Variants in SH3RF3 observed in about 807,000 individuals in gnomAD.
The protein encoded by SH3RF3 is SH3 domain containing ring finger 3, also known as E3 ubiquitin-protein ligase SH3RF3.
SH3RF3 carries 29 observed loss-of-function variants against 66.3 expected under a neutral mutation model. The ratio of observed to expected loss-of-function variants is 0.44; its 90% confidence interval spans 0.33 to 0.60. The LOEUF (loss-of-function observed/expected upper bound fraction) is 0.60, where lower values mean the gene tolerates loss of function less well. Among genes scored for constraint, SH3RF3 ranks in the 20% least tolerant of loss-of-function variants. SH3RF3 has a pLI of 0.04. For missense variants in SH3RF3, 1,194 were observed against 1,190.9 expected, an observed-to-expected ratio of 1.00 and a Z score of -0.04; for synonymous variants, 583 against 532.0, an observed-to-expected ratio of 1.10 and a Z score of -1.32.
chr2:109,432,023 G>A (rs1402653795), intron 5 of SH3RF3, among the ~76,000 whole-genome samples: 1 of 152,162 alleles, frequency 6.6e-6, no homozygotes, highest in Non-Finnish European at 1.5e-5. Flanking sequence ...GGAAAACCAG[G>A]CCAGGTTATA....
intron 8 of SH3RF3, among the ~76,000 whole-genome samples, chr2:109,473,077 G>A (rs1484777611): frequency 6.6e-6 from 1 of 152,234 alleles, no homozygotes; most frequent in Non-Finnish European, 1.5e-5. Context: ...TCAGATGCGA[G>A]TCCCAAGAAT....
At chr2:109,302,373 G>A (rs1681490087) in intron 1 of SH3RF3, among the ~76,000 whole-genome samples, 1 of 152,210 alleles carries the variant, frequency 6.6e-6, no homozygotes, top group Admixed American at 6.5e-5. Flanking sequence ...AATGCTTGCT[G>A]CTTCTGTTCA....
At chr2:109,469,476 A>C (rs570277595) in intron 8 of SH3RF3, among the ~76,000 whole-genome samples, 1 of 152,342 alleles carries the variant, frequency 6.6e-6, no homozygotes, top group African/African-American at 2.4e-5. Flanking sequence ...TGCAGGGGTC[A>C]CACTATGTGT....
intron 8 of SH3RF3, among the ~76,000 whole-genome samples, chr2:109,487,969 G>A (rs1679026768): frequency 6.6e-6 from 1 of 152,224 alleles, no homozygotes; most frequent in Admixed American, 6.5e-5. Context: ...GGGATGAACA[G>A]CCACCAGGCC....
chr2:109,500,159 T>G (rs1679353540), intron 9 of SH3RF3, among the ~76,000 whole-genome samples: 1 of 152,144 alleles, frequency 6.6e-6, no homozygotes, highest in African/African-American at 2.4e-5. Context: ...TAAAGGGGAC[T>G]GGGGTCAGCC....
chr2:109,289,818 G>A (rs930256358), intron 1 of SH3RF3, among the ~76,000 whole-genome samples: 3 of 152,020 alleles, frequency 2.0e-5, no homozygotes, highest in Admixed American at 2.0e-4. Context: ...TGGGGAAATC[G>A]GGAAATCAAC....
At chr2:109,252,235 G>A (rs1244104522) in intron 1 of SH3RF3, among the ~76,000 whole-genome samples, 1 of 144,662 alleles carries the variant, frequency 6.9e-6, no homozygotes, top group African/African-American at 2.6e-5. Flanking sequence ...GTGACACAGT[G>A]AGACCCTGTC....
chr2:109,294,637 A>C (rs1011998555), intron 1 of SH3RF3, among the ~76,000 whole-genome samples: 18 of 151,698 alleles, frequency 1.2e-4, no homozygotes, highest in Non-Finnish European at 2.6e-4. Context: ...GCATTCTTCC[A>C]TCTGATCATC....
At position 109,347,738 on chromosome 2, in the gene SH3RF3, T is replaced by C. The variant is rs1249288076; in HGVS notation, c.638T>C (p.Leu213Pro). ...YSYEGKEPGDLKFNKGDIIVL... is the reference protein window; with the variant it reads ...YSYEGKEPGDPKFNKGDIIVL... ...TACGAGGGGAAGGAACCTGGTGACCTCAAGTTCAACAAGGGGGACATCATC... is the reference window on the plus strand; with the variant it reads ...TACGAGGGGAAGGAACCTGGTGACCCCAAGTTCAACAAGGGGGACATCATC... Residue 213 changes from leucine to proline, a missense_variant, in exon 2 of 10, where the codon CTC becomes CCC. Physicochemically the swap from Leu to Pro is moderately conservative, Grantham distance 98 (BLOSUM62 -3). Transcript: ENST00000309415. 3 of 1,613,744 alleles carry C rather than the reference T, an allele frequency of 1.9e-6. No homozygotes were observed. The highest frequency in any genetic ancestry group is 2.5e-6 in the Non-Finnish European group (3 of 1,179,846).
At chr2:109,466,486 A>G (rs1292834938) in intron 8 of SH3RF3, among the ~76,000 whole-genome samples, 2 of 152,112 alleles carry the variant, frequency 1.3e-5, no homozygotes, top group Non-Finnish European at 2.9e-5. Flanking sequence ...TTTTAGATAT[A>G]CCACAGTGGT....
chr2:109,317,239 C>T (rs894627264), intron 1 of SH3RF3, among the ~76,000 whole-genome samples: 7 of 152,140 alleles, frequency 4.6e-5, no homozygotes, highest in African/African-American at 1.7e-4. Flanking sequence ...ATGGAATCTC[C>T]TAGTGTAGCA....
chr2:109,241,257 T>TAACAAC (rs57171165), intron 1 of SH3RF3, among the ~76,000 whole-genome samples: 105,419 of 151,236 alleles, frequency 0.7, 36,891 homozygotes, highest in East Asian at 0.89. Flanking sequence ...CCTAAGAATA[T>TAACAAC]AACAACAACA....
chr2:109,184,061 A>G (rs1288334807), intron 1 of SH3RF3, among the ~76,000 whole-genome samples: 2 of 152,172 alleles, frequency 1.3e-5, no homozygotes, highest in Non-Finnish European at 1.5e-5. Context: ...GGGTATCACG[A>G]TCTCTCTGTG....
intron 1 of SH3RF3, among the ~76,000 whole-genome samples, chr2:109,166,516 A>ACACT (rs1318026270): frequency 1.3e-5 from 2 of 151,774 alleles, no homozygotes; most frequent in African/African-American, 2.4e-5. Flanking sequence ...GCTCATTGGT[A>ACACT]GTGTTACAGC....
At chr2:109,213,744 G>T (rs1679045659) in intron 1 of SH3RF3, among the ~76,000 whole-genome samples, 1 of 152,182 alleles carries the variant, frequency 6.6e-6, no homozygotes, top group Non-Finnish European at 1.5e-5. Flanking sequence ...GGGAACGTGG[G>T]GATGGTTTTA....
At position 109,501,802 on chromosome 2, in the gene SH3RF3, G is replaced by C. The variant is rs2104419849; in HGVS notation, c.*131G>C. 3.3e-6 allele frequency: 2 copies of C among 613,720 alleles called. No individual in the cohort carries two copies. Among genetic ancestry groups the C allele is most frequent in the East Asian group, 5.5e-5 (2 of 36,502 alleles). 38.0% of individuals were successfully genotyped at this position (613,720 alleles called of 1,614,324 possible). On this transcript the variant is annotated 3_prime_UTR_variant, in exon 10 of 10. Transcript: ENST00000309415. ...CAAGGCACCTGGCGGGGGATACCCT[G>C]GCCCAGGGTGGGGGCCAGGGACTGT...
At chr2:109,498,264 G>T (rs977394762) in intron 9 of SH3RF3, among the ~76,000 whole-genome samples, 9 of 152,194 alleles carry the variant, frequency 5.9e-5, no homozygotes, top group Admixed American at 5.2e-4. Flanking sequence ...CTTAGAGTTG[G>T]CTGGTATTCG....
intron 4 of SH3RF3, among the ~76,000 whole-genome samples, chr2:109,406,869 G>A (rs1186612170): frequency 1.3e-5 from 2 of 151,218 alleles, no homozygotes; most frequent in African/African-American, 2.5e-5. Flanking sequence ...TTACAGCCCC[G>A]CCCTGTTGAG....
At chr2:109,355,521 C>T (rs1221902483) in intron 2 of SH3RF3, among the ~76,000 whole-genome samples, 2 of 152,240 alleles carry the variant, frequency 1.3e-5, no homozygotes, top group Non-Finnish European at 2.9e-5. Flanking sequence ...AATTGACCTA[C>T]AACTCCTGAA....
Sources: allele counts gnomAD v4.1 joint callset (sites outside exome capture counted in the v4.1 genomes callset), GRCh38; gene constraint gnomAD v4.1.1; transcripts MANE v1.5; gene names NCBI Gene and HGNC (gene_info 2026-07-23, HGNC 2026-07-21).